The following MTUS1 variants were observed in gnomAD, a reference collection of about 807,000 sequenced individuals.
The protein encoded by MTUS1 is microtubule-associated tumor suppressor 1.
In MTUS1, 109 loss-of-function variants were observed where a neutral mutation model predicts 120.8. The ratio of observed to expected loss-of-function variants is 0.90; its 90% CI spans 0.77 to 1.06. The LOEUF (loss-of-function observed/expected upper bound fraction) is 1.06. Among genes scored for constraint, MTUS1 ranks in the 50% least tolerant of loss-of-function variants. The pLI is 0.00. For synonymous variants in MTUS1, 737 were observed against 550.5 expected (o/e 1.34, Z -4.74); for missense variants, 2,210 against 1,486.3 (o/e 1.49, Z -8.01).
intron 1 of MTUS1, among the ~76,000 whole-genome samples, chr8:17,773,920 G>T (rs1910110): frequency 0.19 from 28,151 of 151,976 alleles, 3,206 homozygotes; most frequent in South Asian, 0.48. Context: ...AGGGCCCACA[G>T]CACACTATAT....
intron 6 of MTUS1, among the ~76,000 whole-genome samples, chr8:17,708,452 G>C (rs1463241567): frequency 6.6e-6 from 1 of 152,186 alleles, no homozygotes; most frequent in Non-Finnish European, 1.5e-5. Flanking sequence ...ACAAAGCCAA[G>C]TGTTGACAAG....
chr8:17,777,974 A>T (rs1421100260), intron 1 of MTUS1, among the ~76,000 whole-genome samples: 2 of 152,196 alleles, frequency 1.3e-5, no homozygotes, highest in Non-Finnish European at 2.9e-5. Flanking sequence ...GATTCCTGCT[A>T]TGTAAAATAT....
intron 3 of MTUS1, among the ~76,000 whole-genome samples, chr8:17,737,395 A>C (rs1328801216): frequency 6.6e-6 from 1 of 152,254 alleles, no homozygotes; most frequent in African/African-American, 2.4e-5. Flanking sequence ...GACTAATACT[A>C]TTTTTATGAA....
At chr8:17,652,114 C>CA (rs1389375046) in intron 12 of MTUS1, among the ~76,000 whole-genome samples, 13 of 152,124 alleles carry the variant, frequency 8.5e-5, no homozygotes, top group Non-Finnish European at 1.8e-4. Context: ...TCTGCAGTCT[C>CA]AGAGTATAAA....
chr8:17,776,603 C>T (rs889691771), intron 1 of MTUS1, among the ~76,000 whole-genome samples: 1 of 137,628 alleles, frequency 7.3e-6, no homozygotes, highest in East Asian at 2.5e-4. Flanking sequence ...CACTTGAACT[C>T]GGGAGGTGGA....
intron 7 of MTUS1, among the ~76,000 whole-genome samples, chr8:17,683,228 C>T (rs1204934732): frequency 6.6e-6 from 1 of 152,032 alleles, no homozygotes; most frequent in Non-Finnish European, 1.5e-5. Context: ...GCTGAGATGG[C>T]GCCACTGCAC....
At chr8:17,673,288 G>A (rs1365995376) in intron 8 of MTUS1, among the ~76,000 whole-genome samples, 2 of 150,816 alleles carry the variant, frequency 1.3e-5, no homozygotes, top group Non-Finnish European at 2.9e-5. Context: ...CAAGTCTTTG[G>A]GATTCTGAAG....
chr8:17,649,914 C>G lies in MTUS1; in HGVS notation c.3433G>C (p.Ala1145Pro). 6.2e-7 allele frequency: 1 copy of G among 1,612,422 alleles called. No homozygotes were observed. The highest frequency in any genetic ancestry group is 8.5e-7 in the Non-Finnish European group (1 of 1,178,640). Reference sequence around the variant, plus strand: ...TTCTCATTCTTGATCTCTAACACAGCTTTCAGGCTTTCTAACTCCTGTTCT... The same window carrying G: ...TTCTCATTCTTGATCTCTAACACAGGTTTCAGGCTTTCTAACTCCTGTTCT... ...YLEQELESLK[A>P]VLEIKNEKLH... Residue 1145 changes from alanine (A) to proline (P), a missense_variant, in exon 13 of 15, where the codon GCT becomes CCT. Ala to Pro is a conservative substitution (Grantham distance 27). Coordinates refer to ENST00000693296, the MANE Select transcript of MTUS1 (RefSeq NM_001363059.2).
intron 1 of MTUS1, among the ~76,000 whole-genome samples, chr8:17,785,049 T>G (rs2051193765): frequency 6.6e-6 from 1 of 152,152 alleles, no homozygotes; most frequent in Admixed American, 6.5e-5. Context: ...CCTCCCAAAG[T>G]GCTGGGATTA....
In MTUS1 at chr8:17,649,909, C is replaced by T; in HGVS notation, c.3438G>A (p.Val1146=). The T allele has an allele frequency of 6.2e-7, 1 of 1,612,734 alleles. No individual in the cohort carries two copies. Among genetic ancestry groups the T allele is most frequent in the Non-Finnish European group, 8.5e-7 (1 of 1,178,942 alleles). Residue 1146 remains valine, a synonymous_variant, in exon 13 of 15, where the codon GTG becomes GTA. Coordinates refer to ENST00000693296, the MANE Select transcript of MTUS1 (RefSeq NM_001363059.2). ...GCAGTTTCTCATTCTTGATCTCTAA[C>T]ACAGCTTTCAGGCTTTCTAACTCCT... ...LEQELESLKA[V]LEIKNEKLHQ...
At chr8:17,652,565 G>C (rs192362059) in intron 12 of MTUS1, among the ~76,000 whole-genome samples, 158 of 152,084 alleles carry the variant, frequency 1.0e-3, no homozygotes, top group Non-Finnish European at 1.3e-4. Flanking sequence ...TCTAGAAAGA[G>C]GTACTGGTGA....
At position 17,743,586 on chromosome 8, in the gene MTUS1, G is replaced by T; in HGVS notation, c.2287+18C>A. ...ACATTCAATTAACTCATAAACTATT[G>T]AACTATTTTATTCTTACCAGAACTG... On this transcript the variant is annotated intron_variant, in intron 3 of 14. Transcript: ENST00000693296. The T allele has an allele frequency of 1.3e-6, 2 of 1,599,460 alleles. No homozygotes were observed. Among genetic ancestry groups the T allele is most frequent in the South Asian group, 1.1e-5 (1 of 90,014 alleles).
At chr8:17,750,125 G>A (rs1356865601) in intron 2 of MTUS1, among the ~76,000 whole-genome samples, 2 of 152,114 alleles carry the variant, frequency 1.3e-5, no homozygotes, top group African/African-American at 4.8e-5. Context: ...GTTAATTTCC[G>A]ATAGATACAC....
At chr8:17,691,600 A>C (rs1446256221) in intron 6 of MTUS1, among the ~76,000 whole-genome samples, 1 of 152,250 alleles carries the variant, frequency 6.6e-6, no homozygotes, top group Non-Finnish European at 1.5e-5. Context: ...AGGGGCAGTG[A>C]AAGACTACAT....
chr8:17,720,202 G>A (rs746031480), intron 4 of MTUS1, among the ~76,000 whole-genome samples: 2 of 151,974 alleles, frequency 1.3e-5, no homozygotes, highest in African/African-American at 2.4e-5. Context: ...AAAATTAGCC[G>A]GGCATGATGG....
intron 13 of MTUS1, among the ~76,000 whole-genome samples, chr8:17,649,037 A>G (rs544086303): frequency 5.9e-5 from 9 of 152,344 alleles, no homozygotes; most frequent in South Asian, 4.1e-4. Flanking sequence ...GTGAATGTTA[A>G]TTCATATTTT....
intron 2 of MTUS1, among the ~76,000 whole-genome samples, chr8:17,750,034 A>G (rs1053409982): frequency 6.6e-6 from 1 of 152,202 alleles, no homozygotes; most frequent in Non-Finnish European, 1.5e-5. Flanking sequence ...TGGAGCTACA[A>G]TTTGAAACTA....
intron 7 of MTUS1, among the ~76,000 whole-genome samples, chr8:17,682,599 G>C (rs893251469): frequency 2.0e-5 from 3 of 151,892 alleles, no homozygotes; most frequent in Non-Finnish European, 2.9e-5. Context: ...CATGAATGGG[G>C]ACAGCAAAGA....
At chr8:17,728,482 C>T (rs908446152) in intron 3 of MTUS1, among the ~76,000 whole-genome samples, 2 of 152,192 alleles carry the variant, frequency 1.3e-5, no homozygotes, top group African/African-American at 4.8e-5. Flanking sequence ...TATGTGCTTA[C>T]CTAGTAAGGC....
Sources: allele counts gnomAD v4.1 joint callset (sites outside exome capture counted in the v4.1 genomes callset), GRCh38; gene constraint gnomAD v4.1.1; transcripts MANE v1.5; gene names NCBI Gene and HGNC (gene_info 2026-07-23, HGNC 2026-07-21).